NCOA7: variants seen among roughly 807,000 people sequenced by gnomAD.
The protein encoded by NCOA7 is 140 kDa estrogen receptor-associated protein.
A neutral mutation model predicts 104.3 loss-of-function variants in NCOA7; 45 were observed. The ratio of observed to expected loss-of-function variants is 0.43; its 90% CI spans 0.34 to 0.55. NCOA7 has a LOEUF of 0.55. NCOA7 is among the 20% of genes least tolerant of loss of function. The pLI, the probability that NCOA7 is intolerant of heterozygous loss-of-function variation, is 0.02. For synonymous variants in NCOA7, 398 were observed against 402.3 expected, an observed-to-expected ratio of 0.99 and a Z score of 0.13; for missense variants, 1,041 against 1,119.7, an observed-to-expected ratio of 0.93 and a Z score of 1.00.
intron 2 of NCOA7, among the ~76,000 whole-genome samples, chr6:125,822,853 T>G (rs1778309663): frequency 6.6e-6 from 1 of 150,986 alleles, no homozygotes; most frequent in Admixed American, 6.6e-5. Flanking sequence ...GAGAATCACT[T>G]GAACCCAGGA....
intron 8 of NCOA7, among the ~76,000 whole-genome samples, chr6:125,887,883 A>AT (rs1456350693): frequency 2.0e-5 from 3 of 151,886 alleles, no homozygotes; most frequent in African/African-American, 7.3e-5. Context: ...TTCCAGTCAT[A>AT]TTTTTTTCTT....
chr6:125,829,267 A>G (rs1778932802), intron 2 of NCOA7, among the ~76,000 whole-genome samples: 1 of 152,180 alleles, frequency 6.6e-6, no homozygotes, highest in Non-Finnish European at 1.5e-5. Flanking sequence ...TTTTTAGTAG[A>G]ACTTTTACAT....
intron 2 of NCOA7, among the ~76,000 whole-genome samples, chr6:125,828,081 AGTT>A (rs1778818888): frequency 6.6e-6 from 1 of 152,256 alleles, no homozygotes; most frequent in Non-Finnish European, 1.5e-5. Context: ...GAAATTTCAG[AGTT>A]GTTGGCCTCA....
intron 3 of NCOA7, among the ~76,000 whole-genome samples, chr6:125,864,019 T>TA (rs1305406091): frequency 1.5e-5 from 2 of 129,618 alleles, no homozygotes; most frequent in African/African-American, 6.8e-5. Flanking sequence ...GTCAGGTTTT[T>TA]TTGGGGGGGG....
intron 10 of NCOA7, among the ~76,000 whole-genome samples, chr6:125,895,278 T>C (rs1284907531): frequency 6.6e-6 from 1 of 152,244 alleles, no homozygotes; most frequent in African/African-American, 2.4e-5. Context: ...CATAAATGTT[T>C]AATCCAAACT....
chr6:125,834,850 G>C (rs1204970082), intron 2 of NCOA7, among the ~76,000 whole-genome samples: 1 of 152,170 alleles, frequency 6.6e-6, no homozygotes, highest in Non-Finnish European at 1.5e-5. Flanking sequence ...GATGTGCCAG[G>C]AATTCTTGTT....
chr6:125,790,430 C>G (rs898403359), upstream of NCOA7, among the ~76,000 whole-genome samples: 3 of 152,234 alleles, frequency 2.0e-5, no homozygotes, highest in Non-Finnish European at 4.4e-5. Flanking sequence ...GCAAGGCGCC[C>G]GCACTCGGGA....
intron 1 of NCOA7, among the ~76,000 whole-genome samples, chr6:125,800,696 T>C (rs1252122165): frequency 6.6e-6 from 1 of 152,202 alleles, no homozygotes; most frequent in Non-Finnish European, 1.5e-5. Context: ...TACAGTCTGA[T>C]TGGAAGGAAT....
intron 7 of NCOA7, among the ~76,000 whole-genome samples, chr6:125,883,618 C>T (rs764510493): frequency 6.6e-6 from 1 of 151,654 alleles, no homozygotes; most frequent in African/African-American, 2.4e-5. Flanking sequence ...TTTGCCTATT[C>T]TAGACAATTT....
At chr6:125,922,246 T>C (rs1787650759) in intron 12 of NCOA7, among the ~76,000 whole-genome samples, 1 of 152,240 alleles carries the variant, frequency 6.6e-6, no homozygotes, top group Non-Finnish European at 1.5e-5. Flanking sequence ...TAAACGTCCC[T>C]GTTTTTTTGC....
At chr6:125,846,958 C>G (rs1780668457) in intron 2 of NCOA7, among the ~76,000 whole-genome samples, 1 of 152,158 alleles carries the variant, frequency 6.6e-6, no homozygotes, top group Admixed American at 6.5e-5. Context: ...TAGAAGAAAG[C>G]TGTTTAAAGC....
At chr6:125,783,074 C>G (rs1289351687) in intron 1 of NCOA7, among the ~76,000 whole-genome samples, 4 of 152,184 alleles carry the variant, frequency 2.6e-5, no homozygotes, top group African/African-American at 9.7e-5. Context: ...GGTTCCTCTT[C>G]TCCCATAGGC....
chr6:125,889,202 G>T lies in NCOA7; in HGVS notation c.1148G>T (p.Gly383Val), dbSNP rs200016372. ...GACTCCTCTAGGGAGACATCCCATG[G>T]TTCTCCCACAGTGACTAAGCTCAGC... The part of the protein sequence containing the change: ...KLDSSRETSH[G>V]SPTVTKLSKE... The change falls in exon 9 of 16, where the codon GGT becomes GTT. Residue 383 changes from glycine to valine, a missense_variant. This residue lies in a region of NCOA7 where 914 missense variants were observed against 942.7 expected (regional missense o/e 0.97). Coordinates refer to ENST00000392477, the MANE Select transcript of NCOA7 (RefSeq NM_181782.5). 6.2e-7 allele frequency: 1 copy of T among 1,613,830 alleles called. No individual in the cohort carries two copies. The highest frequency in any genetic ancestry group is 1.7e-5 in the Admixed American group (1 of 59,984).
At chr6:125,813,686 G>A (rs921647335) in intron 1 of NCOA7, among the ~76,000 whole-genome samples, 7 of 151,912 alleles carry the variant, frequency 4.6e-5, no homozygotes, top group East Asian at 1.9e-4. Flanking sequence ...CTGACCTCAG[G>A]TGATCCACCC....
intron 3 of NCOA7, among the ~76,000 whole-genome samples, chr6:125,872,430 C>G (rs900335315): frequency 3.3e-5 from 5 of 152,076 alleles, no homozygotes; most frequent in African/African-American, 1.2e-4. Flanking sequence ...TAGGAAGCTA[C>G]CTACAAAATT....
Position 125,889,309 on chromosome 6 carries a change from T to C in NCOA7, c.1255T>C (p.Leu419=). Residue 419 remains leucine, a synonymous_variant, in exon 9 of 16, where the codon TTG becomes CTG. Transcript: ENST00000392477. The part of the protein sequence containing the change: ...FLGEDDDFVD[L]EELSSQTGGG... ...AGGGGAAGATGATGATTTTGTTGACTTGGAAGAACTTTCTTCTCAAACTGG... is the reference window on the plus strand; with the variant it reads ...AGGGGAAGATGATGATTTTGTTGACCTGGAAGAACTTTCTTCTCAAACTGG... The C allele has an allele frequency of 1.2e-6, 2 of 1,614,140 alleles. No individual in the cohort carries two copies. The highest frequency in any genetic ancestry group is 1.7e-6 in the Non-Finnish European group (2 of 1,180,006).
chr6:125,914,056 A>G (rs1786826461), intron 10 of NCOA7, among the ~76,000 whole-genome samples: 1 of 152,246 alleles, frequency 6.6e-6, no homozygotes, highest in Admixed American at 6.5e-5. Context: ...AGGATGAATC[A>G]CAAGCTATAA....
intron 3 of NCOA7, among the ~76,000 whole-genome samples, chr6:125,857,517 C>A (rs891084792): frequency 6.6e-6 from 1 of 151,810 alleles, no homozygotes; most frequent in Admixed American, 6.6e-5. Context: ...AGCAGTCTTC[C>A]GGCCTCGAAG....
rs935102354 is a variant in NCOA7, at chr6:125,881,183, G to A, written c.553G>A (p.Ala185Thr). Residue 185 changes from alanine to threonine, a missense_variant, in exon 6 of 16, where the codon GCA (alanine) becomes ACA (threonine). Coordinates refer to ENST00000392477, the MANE Select transcript of NCOA7 (RefSeq NM_181782.5). ...GATVSPSSSD[A>T]EYDKLPDADL... ...TACTGTCTCTCCTTCATCATCAGAT[G>A]CAGAATATGATAAATTGCCTGTATG... 3.7e-6 allele frequency: 6 copies of A among 1,611,698 alleles called. No individual in the cohort carries two copies. Among genetic ancestry groups the A allele is most frequent in the Non-Finnish European group, 5.1e-6 (6 of 1,178,064 alleles).
Sources: gnomAD v4.1 joint callset for allele counts (sites outside exome capture counted in the v4.1 genomes callset) on GRCh38, gnomAD v4.1.1 for gene constraint, gnomAD v4.1.1 regional missense constraint, MANE v1.5 for transcripts, NCBI Gene and HGNC (gene_info 2026-07-23, HGNC 2026-07-21) for gene names.